STAB2: variants seen among roughly 807,000 people sequenced by gnomAD.
STAB2 encodes the protein stabilin-2.
STAB2 carries 288 observed loss-of-function variants against 338.1 expected under a neutral mutation model. That is an observed-to-expected ratio of 0.85 (90% CI 0.77 to 0.94). The LOEUF (loss-of-function observed/expected upper bound fraction) is 0.94. Among genes scored for constraint, STAB2 ranks in the 40% least tolerant of loss-of-function variants. STAB2 has a pLI of 0.00. For synonymous variants in STAB2, 1,202 were observed against 1,193.3 expected (o/e 1.01, Z -0.15); for missense variants, 3,141 against 3,210.1 (o/e 0.98, Z 0.52).
In STAB2 at chr12:103,727,318, C is replaced by A; in HGVS notation, c.4903C>A (p.Pro1635Thr). 1 of 1,614,242 alleles carries A rather than the reference C, an allele frequency of 6.2e-7. No homozygotes were observed. ...CCCAGGCCCCTTCACTGTTTTTGCA[C>A]CTTTATCTGCAGCCTTTGATGAGGA... ...VGPGPFTVFA[P>T]LSAAFDEEAR... is the part of the protein sequence containing the mutation. Residue 1635 changes from proline to threonine, a missense_variant, in exon 47 of 69, where the codon CCT becomes ACT. Pro to Thr is a conservative substitution (Grantham distance 38). Coordinates refer to ENST00000388887, the MANE Select transcript of STAB2 (RefSeq NM_017564.10).
At chr12:103,656,925 A>ATCC (rs1199435243) in intron 15 of STAB2, among the ~76,000 whole-genome samples, 63 of 151,720 alleles carry the variant, frequency 4.2e-4, no homozygotes, top group African/African-American at 1.5e-3. Context: ...TGACCTCATG[A>ATCC]TCCACCCGCC....
In STAB2 at chr12:103,730,225, T is replaced by G; in HGVS notation, c.5192T>G (p.Ile1731Ser). The G allele has an allele frequency of 3.1e-6, 5 of 1,613,690 alleles. No individual in the cohort carries two copies. The highest frequency in any genetic ancestry group is 4.2e-6 in the Non-Finnish European group (5 of 1,179,806). The stretch of plus-strand genomic sequence containing the variant: ...TTGCTATCTCCCAAAAATTTGCTTA[T>G]CACTCCCAAAGACAACTCTGGAAGA... ...DKLLSPKNLL[I>S]TPKDNSGRIL... is the part of the protein sequence containing the mutation. Residue 1731 changes from isoleucine (I) to serine (S), a missense_variant, in exon 49 of 69, where the codon ATC (isoleucine) becomes AGC (serine). Physicochemically the swap from Ile to Ser is moderately radical, Grantham distance 142 (BLOSUM62 -2). Coordinates refer to ENST00000388887, the MANE Select transcript of STAB2 (RefSeq NM_017564.10).
intron 25 of STAB2, among the ~76,000 whole-genome samples, chr12:103,678,159 G>A (rs1876560518): frequency 6.6e-6 from 1 of 152,184 alleles, no homozygotes. Context: ...CAAGGCTAAG[G>A]AGGTCAGAAC....
chr12:103,609,617 A>G (rs1247615419), intron 3 of STAB2, among the ~76,000 whole-genome samples: 2 of 152,090 alleles, frequency 1.3e-5, no homozygotes, highest in East Asian at 3.8e-4. Context: ...TAGATATACA[A>G]TCATGTCATC....
At chr12:103,700,929 C>T in intron 34 of STAB2, among the ~76,000 whole-genome samples, 1 of 151,310 alleles carries the variant, frequency 6.6e-6, no homozygotes, top group Admixed American at 6.6e-5. Context: ...ATGTGCCATG[C>T]TGGTGCGCTG....
chr12:103,755,540 C>A (rs577598597), intron 62 of STAB2, 72 bp from the exon 63 acceptor site: 1 of 1,609,178 alleles, frequency 6.2e-7, no homozygotes, highest in South Asian at 1.1e-5. Flanking sequence ...GCCAGTCACT[C>A]CCCAAGCAGA....
rs564431481 is a variant in STAB2, at chr12:103,715,837, C to T, written c.4560C>T (p.Asn1520=). Residue 1520 remains asparagine, a synonymous_variant, in exon 43 of 69, where the codon AAC becomes AAT. Coordinates refer to ENST00000388887, the MANE Select transcript of STAB2 (RefSeq NM_017564.10). ...VCLEINPCLE[N]HGGCDKNAEC... is the part of the protein sequence containing the mutation. The stretch of plus-strand genomic sequence containing the variant: ...AAGAAATCAACCCGTGTTTGGAGAA[C>T]CATGGTGGCTGTGACAAGAATGCGG... 2 of 1,614,058 alleles carry T rather than the reference C, an allele frequency of 1.2e-6. No homozygotes were observed. The highest frequency in any genetic ancestry group is 4.5e-5 in the East Asian group (2 of 44,888).
intron 6 of STAB2, among the ~76,000 whole-genome samples, chr12:103,632,578 G>A (rs957811615): frequency 5.3e-5 from 8 of 152,164 alleles, no homozygotes; most frequent in Non-Finnish European, 1.0e-4. Flanking sequence ...CAATGTCTAT[G>A]TCGAGAGGGC....
chr12:103,720,209 A>G (rs1880651543), intron 44 of STAB2, among the ~76,000 whole-genome samples: 2 of 152,166 alleles, frequency 1.3e-5, no homozygotes, highest in East Asian at 1.9e-4. Context: ...TCCATGGGCC[A>G]TTCATGTTTT....
At chr12:103,654,114 A>G (rs1256838082) in intron 12 of STAB2, among the ~76,000 whole-genome samples, 1 of 152,230 alleles carries the variant, frequency 6.6e-6, no homozygotes, top group Non-Finnish European at 1.5e-5. Flanking sequence ...CATTCAACCA[A>G]TATTTACTAA....
At chr12:103,602,527 A>T (rs1179688704) in intron 3 of STAB2, among the ~76,000 whole-genome samples, 1 of 152,162 alleles carries the variant, frequency 6.6e-6, no homozygotes, top group Non-Finnish European at 1.5e-5. Flanking sequence ...AATATGTTCA[A>T]CTTTATTAGA....
intron 44 of STAB2, among the ~76,000 whole-genome samples, chr12:103,718,108 C>T (rs529118699): frequency 2.0e-5 from 3 of 152,262 alleles, no homozygotes; most frequent in African/African-American, 4.8e-5. Context: ...TCCATATTGC[C>T]AACTCTTATG....
At chr12:103,695,165 A>G (rs1242409684) in intron 31 of STAB2, among the ~76,000 whole-genome samples, 1 of 152,234 alleles carries the variant, frequency 6.6e-6, no homozygotes, top group East Asian at 1.9e-4. Flanking sequence ...ATAACAACCA[A>G]GAAGAAAGGA....
chr12:103,599,432 G>A (rs1329505607), intron 3 of STAB2, among the ~76,000 whole-genome samples: 1 of 152,106 alleles, frequency 6.6e-6, no homozygotes, highest in Non-Finnish European at 1.5e-5. Context: ...CTGAGAGGCA[G>A]CATGGTTTTA....
intron 6 of STAB2, 40 bp from the exon 7 acceptor site, chr12:103,637,071 A>G (rs1957558699): frequency 6.4e-7 from 1 of 1,559,486 alleles, no homozygotes. Context: ...AGAACTGGTT[A>G]TTCTACTAAT....
intron 6 of STAB2, among the ~76,000 whole-genome samples, chr12:103,632,780 G>A (rs1189683655): frequency 1.3e-5 from 2 of 152,104 alleles, no homozygotes; most frequent in Non-Finnish European, 2.9e-5. Context: ...TCCCGCCAGC[G>A]CCCTCTACTG....
rs931112463 is a variant in STAB2 at position 103,620,493 on chromosome 12, C to T, written c.357C>T (p.Pro119=). Residue 119 remains proline (P), a synonymous_variant, in exon 4 of 69, where the codon CCC becomes CCT. Transcript: ENST00000388887. The part of the protein sequence containing the change: ...CIECPGGAGS[P]CNGRGSCAEG... Reference sequence around the variant, plus strand: ...AGTGCCCAGGTGGAGCGGGGTCACCCTGCAATGGCAGAGGCAGTTGTGCTG... The same window carrying T: ...AGTGCCCAGGTGGAGCGGGGTCACCTTGCAATGGCAGAGGCAGTTGTGCTG... The T allele has an allele frequency of 1.9e-6, 3 of 1,584,782 alleles. No homozygotes were observed. Among genetic ancestry groups the T allele is most frequent in the African/African-American group, 1.3e-5 (1 of 74,404 alleles).
At chr12:103,603,679 A>G (rs1956986897) in intron 3 of STAB2, among the ~76,000 whole-genome samples, 1 of 151,888 alleles carries the variant, frequency 6.6e-6, no homozygotes, top group South Asian at 2.1e-4. Context: ...TTTCAAAATT[A>G]TTTTGCTTAT....
chr12:103,711,573 T>C (rs1440189717), intron 40 of STAB2, 57 bp downstream of exon 40: 3 of 1,589,978 alleles, frequency 1.9e-6, no homozygotes, highest in East Asian at 2.2e-5. Flanking sequence ...TTCCCAATAT[T>C]GTCTACCCTA....
Sources: gnomAD v4.1 joint callset for allele counts (sites outside exome capture counted in the v4.1 genomes callset) on GRCh38, gnomAD v4.1.1 for gene constraint, MANE v1.5 for transcripts, NCBI Gene and HGNC (gene_info 2026-07-23, HGNC 2026-07-21) for gene names.